ACP7: variants seen among roughly 807,000 people sequenced by gnomAD.
ACP7 encodes the protein acid phosphatase 7, tartrate resistant (putative).
Under a neutral mutation model 60.6 loss-of-function variants are expected in ACP7, and 58 were observed. The observed-to-expected ratio is 0.96, with a 90% CI of 0.77 to 1.19. The LOEUF (loss-of-function observed/expected upper bound fraction) is 1.19, where lower values mean the gene tolerates loss of function less well. ACP7 is among the 50% of genes most tolerant of loss of function. ACP7 has a pLI of 0.00. For synonymous variants in ACP7, 237 were observed against 232.6 expected (o/e 1.02, Z -0.17); for missense variants, 574 against 596.2 (o/e 0.96, Z 0.39).
In ACP7 at chr19:39,111,423, AG is replaced by A. The variant is rs945264279; in HGVS notation, c.*1306del. ...GCCACTGCACCCCAGCCTGGGCAACAGAGCAAGACCCTGTCTCAAAAAATAT... is the reference window on the plus strand; with the variant it reads ...GCCACTGCACCCCAGCCTGGGCAACAAGCAAGACCCTGTCTCAAAAAATAT... On this transcript the variant is annotated 3_prime_UTR_variant, in exon 13 of 13. Coordinates refer to ENST00000331256, the MANE Select transcript of ACP7 (RefSeq NM_001004318.3). 4.6e-5 allele frequency: 7 copies of A among 152,340 alleles called. No individual in the cohort carries two copies. The highest frequency in any genetic ancestry group is 1.7e-4 in the African/African-American group (7 of 41,474). 9.4% of individuals were successfully genotyped at this position (152,340 alleles called of 1,614,324 possible). A position where few individuals can be genotyped will look rare whatever the true frequency, so the allele number is the denominator to read the frequency against.
chr19:39,085,221 T>C lies in ACP7; in HGVS notation c.-49T>C. On this transcript the variant is annotated 5_prime_UTR_variant, in exon 2 of 13. Coordinates refer to ENST00000331256, the MANE Select transcript of ACP7 (RefSeq NM_001004318.3). ...CTGCTGTACCTGTGGGGAGCTGATC[T>C]CCTCAGTCCCCCTGCTTTTCCCCGG... The C allele has an allele frequency of 6.3e-7, 1 of 1,577,444 alleles. No individual in the cohort carries two copies. Among genetic ancestry groups the C allele is most frequent in the South Asian group, 1.2e-5 (1 of 84,434 alleles).
At position 39,085,236 on chromosome 19, in the gene ACP7, C is replaced by T. The variant is rs200703114; in HGVS notation, c.-34C>T. The T allele has an allele frequency of 5.4e-5, 87 of 1,599,960 alleles. No homozygotes were observed. In the African/African-American group the frequency reaches 1.1e-3, roughly 20 times the overall value. On this transcript the variant is annotated 5_prime_UTR_variant, in exon 2 of 13. Coordinates refer to ENST00000331256, the MANE Select transcript of ACP7 (RefSeq NM_001004318.3). Reference sequence around the variant, plus strand: ...GGAGCTGATCTCCTCAGTCCCCCTGCTTTTCCCCGGTCTGCCATCACCACC... The same window carrying T: ...GGAGCTGATCTCCTCAGTCCCCCTGTTTTTCCCCGGTCTGCCATCACCACC...
chr19:39,088,628 C>T (rs1169105430), intron 2 of ACP7, among the ~76,000 whole-genome samples: 2 of 152,184 alleles, frequency 1.3e-5, no homozygotes, highest in East Asian at 3.9e-4. Flanking sequence ...TCCCATTTGA[C>T]AAGAGAGACT....
intron 2 of ACP7, among the ~76,000 whole-genome samples, chr19:39,091,234 CT>C (rs1243769958): frequency 1.3e-5 from 2 of 151,266 alleles, no homozygotes. Flanking sequence ...GTGATCTCAG[CT>C]CACAGCAACC....
chr19:39,104,647 G>C (rs760867502), intron 11 of ACP7, among the ~76,000 whole-genome samples: 3 of 152,210 alleles, frequency 2.0e-5, no homozygotes, highest in Non-Finnish European at 4.4e-5. Context: ...ACTTTGGGAA[G>C]CTGAGGCGGG....
chr19:39,110,488 T>G lies in ACP7; in HGVS notation c.*370T>G. The G allele has an allele frequency of 1.1e-5, 2 of 179,944 alleles. No individual in the cohort carries two copies. The highest frequency in any genetic ancestry group is 1.4e-4 in the East Asian group (1 of 7,164). 11.1% of individuals were successfully genotyped at this position (179,944 alleles called of 1,614,324 possible). ...ACATCTGCGGGGGATGCCGCTGGGC[T>G]TCCTCCTCTCCTGCCCACCTGGCAA... On this transcript the variant is annotated 3_prime_UTR_variant, in exon 13 of 13. Coordinates refer to ENST00000331256, the MANE Select transcript of ACP7 (RefSeq NM_001004318.3).
chr19:39,110,155 G>A lies in ACP7; in HGVS notation c.*37G>A. On this transcript the variant is annotated 3_prime_UTR_variant, in exon 13 of 13. Transcript: ENST00000331256. ...GCTCTCCTCCAGAAGCCTAGGTTTT[G>A]CCGCCTTGGCTGCTGTGACCAGAAA... The A allele has an allele frequency of 6.3e-7, 1 of 1,587,308 alleles. No individual in the cohort carries two copies. The highest frequency in any genetic ancestry group is 1.7e-4 in the Middle Eastern group (1 of 6,004).
Position 39,100,974 on chromosome 19 carries a change from G to A in ACP7, c.833G>A (p.Arg278Gln), listed in dbSNP as rs140635548. The A allele has an allele frequency of 3.2e-6, 5 of 1,570,260 alleles. No homozygotes were observed. The highest frequency in any genetic ancestry group is 1.7e-6 in the Non-Finnish European group (2 of 1,155,336). Residue 278 changes from arginine to glutamine, a missense_variant, in exon 8 of 13, where the codon CGG (arginine) becomes CAG (glutamine). By Grantham distance (43) the Arg-to-Gln change is conservative (BLOSUM62 1). Transcript: ENST00000331256. Reference protein sequence around the residue: ...LQKANKNRAARPWIITMGHRP... With the variant: ...LQKANKNRAAQPWIITMGHRP... The stretch of plus-strand genomic sequence containing the variant: ...AAAGCCAATAAGAACCGGGCAGCCC[G>A]GCCGTGGATCATCACTATGGGGCAC...
At position 39,098,530 on chromosome 19, in the gene ACP7, A is replaced by G; in HGVS notation, c.194A>G (p.Gln65Arg). 4 of 1,611,530 alleles carry G rather than the reference A, an allele frequency of 2.5e-6. No individual in the cohort carries two copies. The highest frequency in any genetic ancestry group is 1.3e-5 in the African/African-American group (1 of 74,902). Reference sequence around the variant, plus strand: ...CGCTCTGAAGTGCAATTCGGGTTGCAGCCGTCGGGGCCCCTGCCCCTCCGC... The same window carrying G: ...CGCTCTGAAGTGCAATTCGGGTTGCGGCCGTCGGGGCCCCTGCCCCTCCGC... ...PTRSEVQFGL[Q>R]PSGPLPLRAQ... The change falls in exon 3 of 13, where the codon CAG becomes CGG. Residue 65 changes from glutamine (Q) to arginine (R), a missense_variant. Gln to Arg is a conservative substitution (Grantham distance 43). Transcript: ENST00000331256.
In ACP7 at chr19:39,099,086, TC is replaced by T; in HGVS notation, c.454del (p.Arg152GlyfsTer49). The T allele has an allele frequency of 6.2e-7, 1 of 1,601,892 alleles. No individual in the cohort carries two copies. Among genetic ancestry groups the T allele is most frequent in the Non-Finnish European group, 8.5e-7 (1 of 1,175,150 alleles). Reference sequence around the variant, plus strand: ...CTGGGGGCTGACAACCCGAAGGCCGTCCCCCGGCTGCGCAGGGACACCCAGC... The same window carrying T: ...CTGGGGGCTGACAACCCGAAGGCCGTCCCCGGCTGCGCAGGGACACCCAGC... Reference protein sequence around the residue: ...GDLGADNPKAVPRLRRDTQQG... With the variant: ...GDLGADNPKAXPRLRRDTQQG... On this transcript the variant is annotated frameshift_variant, in exon 4 of 13. Transcript: ENST00000331256. LOFTEE classifies it high-confidence loss of function.
intron 4 of ACP7, among the ~76,000 whole-genome samples, chr19:39,099,499 T>G (rs923045410): frequency 6.6e-6 from 1 of 152,188 alleles, no homozygotes; most frequent in African/African-American, 2.4e-5. Context: ...GGTGTCCTTG[T>G]GCTGGTTATT....
Position 39,110,552 on chromosome 19 carries a change from C to T in ACP7, c.*434C>T, listed in dbSNP as rs4803201. On this transcript the variant is annotated 3_prime_UTR_variant, in exon 13 of 13. Transcript: ENST00000331256. ...TGGGCACAACCGTCATGACACTACT[C>T]ACCAGCAGGTGGCGTCAGGGGCTTT... The T allele has an allele frequency of 0.36, 56,487 of 158,042 alleles. 10,250 individuals carry two copies. The highest frequency in any genetic ancestry group is 0.41 in the African/African-American group (17,074 of 41,588). The allele number at this position is 158,042 out of a possible 1,614,324, so 9.8% of individuals were successfully genotyped here. A position where few individuals can be genotyped will look rare whatever the true frequency, so the allele number is the denominator to read the frequency against.
intron 11 of ACP7, among the ~76,000 whole-genome samples, chr19:39,104,156 A>G (rs1469425490): frequency 6.6e-6 from 1 of 151,960 alleles, no homozygotes; most frequent in Non-Finnish European, 1.5e-5. Context: ...AAAAATTCAA[A>G]CAGTTACAGA....
At chr19:39,097,582 A>C (rs75674735) in intron 2 of ACP7, among the ~76,000 whole-genome samples, 1 of 143,740 alleles carries the variant, frequency 7.0e-6, no homozygotes, top group Admixed American at 6.9e-5. Context: ...AAAAAAAAAA[A>C]AGTCAATAGC....
In ACP7 at chr19:39,101,143, T is replaced by C; in HGVS notation, c.916-7T>C. 1 of 1,614,112 alleles carries C rather than the reference T, an allele frequency of 6.2e-7. No individual in the cohort carries two copies. On this transcript the variant is annotated splice_region_variant and splice_polypyrimidine_tract_variant and intron_variant, in intron 8 of 12. Coordinates refer to ENST00000331256, the MANE Select transcript of ACP7 (RefSeq NM_001004318.3). The stretch of plus-strand genomic sequence containing the variant: ...GTCACCCTCACCCGCTCATTCACCC[T>C]GCCCAGGTCCGCAAAGGCCTCCAAG...
chr19:39,099,195 T>TGGGGGGCGCGCGCAGGGAG, intron 4 of ACP7, 53 bp downstream of exon 4: 1 of 1,316,832 alleles, frequency 7.6e-7, no homozygotes, highest in Non-Finnish European at 9.8e-7. Context: ...CGCGCAGGGA[T>TGGGGGGCGCGCGCAGGGAG]GGTGGGGGGC....
intron 2 of ACP7, among the ~76,000 whole-genome samples, chr19:39,092,487 G>A (rs58573578): frequency 0.025 from 3,759 of 152,058 alleles, 148 homozygotes; most frequent in African/African-American, 0.085. Flanking sequence ...CTTTTGTCTT[G>A]TAATAATACC....
At chr19:39,094,242 A>G (rs1568477254) in intron 2 of ACP7, among the ~76,000 whole-genome samples, 1 of 151,998 alleles carries the variant, frequency 6.6e-6, no homozygotes, top group East Asian at 1.9e-4. Flanking sequence ...GGCTCACCCA[A>G]AGTGCTGATC....
intron 2 of ACP7, among the ~76,000 whole-genome samples, chr19:39,095,083 G>A (rs912952192): frequency 6.6e-6 from 1 of 152,154 alleles, no homozygotes; most frequent in Non-Finnish European, 1.5e-5. Flanking sequence ...TGGGGACACA[G>A]AGCCAAACCA....
Sources: allele counts gnomAD v4.1 joint callset (sites outside exome capture counted in the v4.1 genomes callset), GRCh38; gene constraint gnomAD v4.1.1; transcripts MANE v1.5; gene names NCBI Gene and HGNC (gene_info 2026-07-23, HGNC 2026-07-21).